Variants in CDH19 observed in about 807,000 individuals in gnomAD.
CDH19 encodes cadherin-19.
A neutral mutation model predicts 64.2 loss-of-function variants in CDH19; 67 were observed. That is an observed-to-expected ratio of 1.04 (90% CI 0.86 to 1.28). The LOEUF (loss-of-function observed/expected upper bound fraction) is 1.28, where lower values mean the gene tolerates loss of function less well. Ranked by LOEUF, CDH19 falls within the 50% of genes most tolerant of loss-of-function variation. The probability of loss-of-function intolerance (pLI) is 0.00; values close to 1 mark genes in which losing one functional copy is unlikely to be tolerated. For synonymous variants in CDH19, 346 were observed against 319.3 expected (o/e 1.08, Z -0.89); for missense variants, 1,030 against 929.0 (o/e 1.11, Z -1.41).
chr18:66,571,973 T>A, intron 2 of CDH19, 37 bp downstream of exon 2: 1 of 1,428,860 alleles, frequency 7.0e-7, no homozygotes, highest in Non-Finnish European at 9.7e-7. Context: ...TTTACATTGT[T>A]GTGCTATTTA....
chr18:66,535,002 A>G lies in CDH19; in HGVS notation c.1320T>C (p.Ile440=). 1 of 1,462,906 alleles carries G rather than the reference A, an allele frequency of 6.8e-7. No individual in the cohort carries two copies. 90.6% of individuals were successfully genotyped at this position (1,462,906 alleles called of 1,614,324 possible). ...AGTACTTACATTTTTCTGTGGCTGT[A>G]ATACTTAGGTTGTACCAAGCACTGA... The part of the protein sequence containing the change: ...REISAWYNLS[I]TATEKYNIEQ... The change falls in exon 8 of 12, where the codon ATT becomes ATC. Residue 440 remains isoleucine, a synonymous_variant. Coordinates refer to ENST00000262150, the MANE Select transcript of CDH19 (RefSeq NM_021153.4).
At chr18:66,515,325 CTAA>C (rs1985688890) in intron 9 of CDH19, among the ~76,000 whole-genome samples, 1 of 151,618 alleles carries the variant, frequency 6.6e-6, no homozygotes, top group South Asian at 2.1e-4. Flanking sequence ...TTATATTACT[CTAA>C]TGAGTAAATG....
chr18:66,586,416 CT>C (rs1434020284), intron 1 of CDH19, among the ~76,000 whole-genome samples: 2 of 151,996 alleles, frequency 1.3e-5, no homozygotes, highest in South Asian at 2.1e-4. Context: ...CAAGCAAATA[CT>C]ATAAAGCCTT....
intron 1 of CDH19, among the ~76,000 whole-genome samples, chr18:66,576,818 T>A (rs1456100674): frequency 6.6e-6 from 1 of 151,710 alleles, no homozygotes; most frequent in Admixed American, 6.6e-5. Flanking sequence ...ATAGAAAATC[T>A]TATGAAATCT....
intron 1 of CDH19, among the ~76,000 whole-genome samples, chr18:66,594,664 A>G (rs1444308914): frequency 6.6e-6 from 1 of 151,984 alleles, no homozygotes. Flanking sequence ...ACCATGGAAT[A>G]CTATGCAGCC....
chr18:66,552,418 A>C (rs920896293), intron 4 of CDH19, among the ~76,000 whole-genome samples: 1 of 137,346 alleles, frequency 7.3e-6, no homozygotes, highest in Admixed American at 7.0e-5. Context: ...GAACTTTTAA[A>C]AGATAAATTA....
intron 1 of CDH19, among the ~76,000 whole-genome samples, chr18:66,576,541 A>G (rs964495485): frequency 2.0e-5 from 3 of 151,608 alleles, no homozygotes; most frequent in Non-Finnish European, 4.4e-5. Context: ...AAACAATATC[A>G]TTTCATAAGA....
intron 9 of CDH19, among the ~76,000 whole-genome samples, chr18:66,525,665 T>A (rs1303614503): frequency 2.0e-5 from 3 of 152,160 alleles, no homozygotes; most frequent in Non-Finnish European, 4.4e-5. Context: ...AAGTATCTAC[T>A]ATAATGTTAT....
chr18:66,545,277 C>T (rs1174576267), intron 5 of CDH19, among the ~76,000 whole-genome samples: 6 of 152,136 alleles, frequency 3.9e-5, no homozygotes, highest in South Asian at 2.1e-4. Context: ...CGTGCCGGGT[C>T]GCAATTGTAG....
chr18:66,600,071 T>A (rs2144648133), intron 1 of CDH19, among the ~76,000 whole-genome samples: 1 of 152,040 alleles, frequency 6.6e-6, no homozygotes, highest in South Asian at 2.1e-4. Context: ...CCTTTGAAAT[T>A]TGTGCCAGAT....
At chr18:66,519,421 T>C (rs1316382746) in intron 9 of CDH19, among the ~76,000 whole-genome samples, 1 of 152,160 alleles carries the variant, frequency 6.6e-6, no homozygotes, top group Non-Finnish European at 1.5e-5. Context: ...ATGAGGAGAT[T>C]AGTATTCAGC....
chr18:66,568,408 T>G lies in CDH19; in HGVS notation c.490+8A>C. The G allele has an allele frequency of 6.3e-7, 1 of 1,597,422 alleles. No individual in the cohort carries two copies. Among genetic ancestry groups the G allele is most frequent in the Non-Finnish European group, 8.5e-7 (1 of 1,169,606 alleles). ...AATATATCTTTGATGTAAATTAATA[T>G]GCAATACCTTCTGGAGACATCTCTG... is the stretch of plus-strand genomic sequence containing the variant. On this transcript the variant is annotated splice_region_variant and intron_variant, in intron 3 of 11. Coordinates refer to ENST00000262150, the MANE Select transcript of CDH19 (RefSeq NM_021153.4).
intron 9 of CDH19, among the ~76,000 whole-genome samples, chr18:66,513,315 T>C (rs1413639639): frequency 6.6e-6 from 1 of 151,486 alleles, no homozygotes; most frequent in Non-Finnish European, 1.5e-5. Context: ...TATGCATATG[T>C]ACAGGAAACT....
chr18:66,518,283 G>C (rs1262237540), intron 9 of CDH19, among the ~76,000 whole-genome samples: 1 of 151,942 alleles, frequency 6.6e-6, no homozygotes, highest in African/African-American at 2.4e-5. Context: ...ACTCAGGCTT[G>C]AGTGCAACGG....
chr18:66,543,927 A>T (rs1351048736), intron 7 of CDH19, 44 bp downstream of exon 7: 2 of 1,365,514 alleles, frequency 1.5e-6, no homozygotes, highest in African/African-American at 1.5e-5. Flanking sequence ...AATCTATTTT[A>T]TATTTACTTA....
Position 66,568,470 on chromosome 18 carries a change from G to T in CDH19, c.436C>A (p.Pro146Thr). Residue 146 changes from proline to threonine, a missense_variant, in exon 3 of 12, where the codon CCA becomes ACA. Pro to Thr is a conservative substitution (Grantham distance 38). Coordinates refer to ENST00000262150, the MANE Select transcript of CDH19 (RefSeq NM_021153.4). ...IKVSDINDNE[P>T]KFLDEPYEAI... ...TCATAAGGTTCATCTAGGAATTTTG[G>T]TTCATTGTCATTGATATCCGAAACT... 6.2e-7 allele frequency: 1 copy of T among 1,611,940 alleles called. No homozygotes were observed.
chr18:66,563,836 T>C (rs1473935492), intron 3 of CDH19, among the ~76,000 whole-genome samples: 2 of 151,934 alleles, frequency 1.3e-5, no homozygotes, highest in East Asian at 3.9e-4. Context: ...CATAGTCACC[T>C]AAAAACTAGG....
At chr18:66,574,748 C>T (rs558126619) in intron 1 of CDH19, among the ~76,000 whole-genome samples, 115 of 151,722 alleles carry the variant, frequency 7.6e-4, no homozygotes, top group South Asian at 5.8e-3. Context: ...GATTAAATTA[C>T]TCAAAACCAT....
chr18:66,583,315 T>C (rs1049720901), intron 1 of CDH19, among the ~76,000 whole-genome samples: 1 of 151,980 alleles, frequency 6.6e-6, no homozygotes, highest in Non-Finnish European at 1.5e-5. Flanking sequence ...GTGAGAAAAA[T>C]AGGAATAAAA....
Sources: allele counts gnomAD v4.1 joint callset (sites outside exome capture counted in the v4.1 genomes callset), GRCh38; gene constraint gnomAD v4.1.1; transcripts MANE v1.5; gene names NCBI Gene and HGNC (gene_info 2026-07-23, HGNC 2026-07-21).